Variants in BTBD9 observed in about 807,000 individuals in gnomAD.
The protein encoded by BTBD9 is BTB/POZ domain-containing protein 9.
BTBD9 carries 49 observed loss-of-function variants against 64.3 expected under a neutral mutation model. The observed-to-expected ratio is 0.76, with a 90% CI of 0.61 to 0.97. The LOEUF is 0.97. BTBD9 is among the 50% of genes least tolerant of loss of function. The probability of loss-of-function intolerance (pLI) is 0.00; values close to 1 mark genes in which losing one functional copy is unlikely to be tolerated. For missense variants in BTBD9, 598 were observed against 762.1 expected (o/e 0.78, Z 2.53); for synonymous variants, 260 against 274.7 (o/e 0.95, Z 0.53).
At chr6:38,343,173 T>G (rs1764168154) in intron 7 of BTBD9, among the ~76,000 whole-genome samples, 1 of 152,204 alleles carries the variant, frequency 6.6e-6, no homozygotes, top group Non-Finnish European at 1.5e-5. Context: ...ACACTTCTTG[T>G]TTCTCTGTAA....
chr6:38,508,512 A>G (rs976137814), intron 6 of BTBD9, among the ~76,000 whole-genome samples: 1 of 152,100 alleles, frequency 6.6e-6, no homozygotes, highest in African/African-American at 2.4e-5. Flanking sequence ...CAAGTCTACA[A>G]ATTCTCTTCA....
At chr6:38,517,134 G>A (rs1457283391) in intron 6 of BTBD9, among the ~76,000 whole-genome samples, 1 of 152,170 alleles carries the variant, frequency 6.6e-6, no homozygotes, top group Non-Finnish European at 1.5e-5. Flanking sequence ...CTACAAAGGA[G>A]TCAATGTTGA....
At chr6:38,401,756 T>C (rs1044044553) in intron 6 of BTBD9, among the ~76,000 whole-genome samples, 2 of 152,228 alleles carry the variant, frequency 1.3e-5, no homozygotes, top group African/African-American at 4.8e-5. Flanking sequence ...GTTCCAGCTC[T>C]GCCACTGATT....
At chr6:38,391,663 C>A (rs1288007792) in intron 6 of BTBD9, among the ~76,000 whole-genome samples, 1 of 147,426 alleles carries the variant, frequency 6.8e-6, no homozygotes, top group Non-Finnish European at 1.5e-5. Flanking sequence ...GCCATTCTCT[C>A]TCTAATCCTT....
intron 6 of BTBD9, among the ~76,000 whole-genome samples, chr6:38,402,474 A>G (rs143261169): frequency 7.3e-4 from 111 of 152,348 alleles, no homozygotes; most frequent in African/African-American, 2.5e-3. Context: ...TAACACTGGC[A>G]TAAGGGTAGA....
chr6:38,189,003 G>A (rs1206286198), intron 10 of BTBD9, among the ~76,000 whole-genome samples: 2 of 152,138 alleles, frequency 1.3e-5, no homozygotes, highest in Middle Eastern at 3.2e-3. Flanking sequence ...CAACAGAATA[G>A]CCAGCTGAGA....
At chr6:38,593,919 T>C (rs1245953233) in intron 3 of BTBD9, 45 bp downstream of exon 3, 2 of 1,506,234 alleles carry the variant, frequency 1.3e-6, no homozygotes, top group Non-Finnish European at 1.8e-6. Context: ...TAGGTATAAA[T>C]AAAACAATGC....
rs1395298157 is a variant in BTBD9 at position 38,403,143 on chromosome 6, A to AAAAGG, written c.1155-58055_1155-58051dup. ...AAAAAAGAAAAGAAGAGAAGAGAAG[A>AAAAGG]AAAGGAAAGGAAAACCTAAATCACA... On this transcript the variant is annotated intron_variant, in intron 6 of 10. Transcript: ENST00000481247. 2.6e-5 allele frequency among the ~76,000 whole-genome samples: 4 copies of AAAAGG among 152,094 alleles called. No individual in the cohort carries two copies. The East Asian group carries it at 5.8e-4, about 22-fold the overall frequency.
intron 1 of BTBD9, among the ~76,000 whole-genome samples, chr6:38,634,397 C>T (rs1778462320): frequency 6.6e-6 from 1 of 152,152 alleles, no homozygotes; most frequent in South Asian, 2.1e-4. Context: ...TATACCTCTT[C>T]CTGTTTCTTT....
chr6:38,508,822 C>G (rs989911457), intron 6 of BTBD9, among the ~76,000 whole-genome samples: 2 of 152,190 alleles, frequency 1.3e-5, no homozygotes, highest in African/African-American at 4.8e-5. Flanking sequence ...AAATCCAAGA[C>G]AGGCTTTTGC....
intron 6 of BTBD9, among the ~76,000 whole-genome samples, chr6:38,538,240 A>C (rs1181407137): frequency 6.6e-6 from 1 of 152,220 alleles, no homozygotes; most frequent in Non-Finnish European, 1.5e-5. Flanking sequence ...GGAATTCATT[A>C]GTTTTTTAAG....
intron 6 of BTBD9, among the ~76,000 whole-genome samples, chr6:38,380,886 T>C (rs1049664570): frequency 1.3e-5 from 2 of 151,586 alleles, no homozygotes; most frequent in Non-Finnish European, 2.9e-5. Context: ...GGTTTAACTT[T>C]AGAATAGCAA....
Position 38,429,549 on chromosome 6 carries a change from A to G in BTBD9, c.1155-84456T>C, listed in dbSNP as rs148164651. Among the ~76,000 whole-genome samples, 7 of 151,958 alleles carry G rather than the reference A, an allele frequency of 4.6e-5. No individual in the cohort carries two copies. The East Asian group carries it at 1.2e-3, about 25-fold the overall frequency. On this transcript the variant is annotated intron_variant, in intron 6 of 10. Coordinates refer to ENST00000481247, the MANE Select transcript of BTBD9 (RefSeq NM_001099272.2). Reference sequence around the variant, plus strand: ...CACATACGTACTTAAATGTTAACCTATCCTTCCTCTTATTTGCAAAACGTC... The same window carrying G: ...CACATACGTACTTAAATGTTAACCTGTCCTTCCTCTTATTTGCAAAACGTC...
intron 6 of BTBD9, among the ~76,000 whole-genome samples, chr6:38,349,722 A>T (rs1316154390): frequency 6.6e-6 from 1 of 152,050 alleles, no homozygotes; most frequent in Non-Finnish European, 1.5e-5. Context: ...GGATTACTGT[A>T]TTACTGACTT....
At chr6:38,438,232 G>GGAAGGA in intron 6 of BTBD9, among the ~76,000 whole-genome samples, 1 of 33,324 alleles carries the variant, frequency 3.0e-5, no homozygotes. Flanking sequence ...GGGAGGGAGG[G>GGAAGGA]AGGGAGGGAG....
rs143700939 is a variant in BTBD9 at position 38,637,949 on chromosome 6, C to T, written c.-28+1851G>A. On this transcript the variant is annotated intron_variant, in intron 1 of 10. Transcript: ENST00000481247. ...CTGATAAGCCCGCCTTAATCCTTAA[C>T]ACTTTGCCTTCCCAACCTGCTAAGC... Among the ~76,000 whole-genome samples the T allele has an allele frequency of 2.3e-3, 354 of 152,316 alleles. 1 individual carries two copies. Among genetic ancestry groups the T allele is most frequent in the African/African-American group, 8.1e-3 (335 of 41,570 alleles).
intron 3 of BTBD9, among the ~76,000 whole-genome samples, chr6:38,593,674 G>A (rs911246523): frequency 1.3e-5 from 2 of 152,090 alleles, no homozygotes; most frequent in Non-Finnish European, 2.9e-5. Flanking sequence ...ATACCAAAAA[G>A]GACCCTATTT....
intron 1 of BTBD9, among the ~76,000 whole-genome samples, chr6:38,617,724 C>G (rs1229279489): frequency 1.3e-5 from 2 of 152,192 alleles, no homozygotes; most frequent in African/African-American, 4.8e-5. Context: ...AAAGACGTCA[C>G]TGTTCCAATG....
chr6:38,417,840 A>G (rs1431011753), intron 6 of BTBD9, among the ~76,000 whole-genome samples: 1 of 149,784 alleles, frequency 6.7e-6, no homozygotes, highest in Non-Finnish European at 1.5e-5. Flanking sequence ...TTTCAAATAA[A>G]TAAGTATATG....
Sources: allele counts gnomAD v4.1 joint callset (sites outside exome capture counted in the v4.1 genomes callset), GRCh38; gene constraint gnomAD v4.1.1; transcripts MANE v1.5; gene names NCBI Gene and HGNC (gene_info 2026-07-23, HGNC 2026-07-21).